The following PDE10A variants were observed in gnomAD, a reference collection of about 807,000 sequenced individuals.
PDE10A encodes the protein phosphodiesterase 10A.
Under a neutral mutation model 97.7 loss-of-function variants are expected in PDE10A, and 39 were observed. The ratio of observed to expected loss-of-function variants is 0.40; its 90% CI spans 0.31 to 0.52. The LOEUF (loss-of-function observed/expected upper bound fraction) is 0.52. Among genes scored for constraint, PDE10A ranks in the 20% least tolerant of loss-of-function variants. PDE10A has a pLI of 0.56. For synonymous variants in PDE10A, 371 were observed against 376.8 expected (o/e 0.98, Z 0.18); for missense variants, 731 against 1,047.8 (o/e 0.70, Z 4.17).
intron 1 of PDE10A, among the ~76,000 whole-genome samples, chr6:165,733,087 T>A (rs527882878): frequency 1.0e-3 from 159 of 152,336 alleles, no homozygotes; most frequent in African/African-American, 3.7e-3. Flanking sequence ...AAACGGCGTG[T>A]GTTTACATAC....
At chr6:165,977,870 G>C (rs1373338583) in intron 1 of PDE10A, among the ~76,000 whole-genome samples, 3 of 152,172 alleles carry the variant, frequency 2.0e-5, no homozygotes, top group Non-Finnish European at 4.4e-5. Context: ...GAAAAAACAA[G>C]TAAATTGTGG....
intron 1 of PDE10A, among the ~76,000 whole-genome samples, chr6:165,562,118 G>A (rs1384464776): frequency 6.6e-6 from 1 of 151,974 alleles, no homozygotes; most frequent in Non-Finnish European, 1.5e-5. Context: ...TTCCTTGGGA[G>A]CAGAACTAAA....
chr6:165,468,678 G>C (rs1008695537), intron 3 of PDE10A, among the ~76,000 whole-genome samples: 1 of 152,082 alleles, frequency 6.6e-6, no homozygotes, highest in African/African-American at 2.4e-5. Flanking sequence ...ATTGGGGGAG[G>C]GGAACAGATA....
At chr6:165,731,512 CG>C (rs2128451180) in intron 1 of PDE10A, among the ~76,000 whole-genome samples, 1 of 152,262 alleles carries the variant, frequency 6.6e-6, no homozygotes, top group African/African-American at 2.4e-5. Flanking sequence ...GGTGCATCTG[CG>C]GCTGGAGCAG....
chr6:165,733,173 C>T (rs772284154), intron 1 of PDE10A, among the ~76,000 whole-genome samples: 1 of 152,224 alleles, frequency 6.6e-6, no homozygotes, highest in Non-Finnish European at 1.5e-5. Context: ...TGTCCTCAGC[C>T]TGTGGAGAAC....
intron 2 of PDE10A, among the ~76,000 whole-genome samples, chr6:165,501,443 C>T (rs1291452850): frequency 6.6e-6 from 1 of 152,050 alleles, no homozygotes; most frequent in Non-Finnish European, 1.5e-5. Context: ...CGCCTGTAGT[C>T]CCAGCTACTC....
chr6:165,964,126 C>A (rs1784438450), intron 1 of PDE10A, among the ~76,000 whole-genome samples: 1 of 152,218 alleles, frequency 6.6e-6, no homozygotes, highest in South Asian at 2.1e-4. Flanking sequence ...GCTATACACT[C>A]TCCCTATAAT....
intron 3 of PDE10A, among the ~76,000 whole-genome samples, chr6:165,478,740 G>A (rs1760940403): frequency 6.6e-6 from 1 of 152,176 alleles, no homozygotes; most frequent in Admixed American, 6.5e-5. Flanking sequence ...TCTGGTAGCT[G>A]TCTGGTCTGA....
chr6:165,753,736 G>C (rs1005823068), intron 1 of PDE10A, among the ~76,000 whole-genome samples: 1 of 152,114 alleles, frequency 6.6e-6, no homozygotes, highest in Non-Finnish European at 1.5e-5. Flanking sequence ...ATTCACAGAA[G>C]TAAAGAATTC....
Position 165,511,436 on chromosome 6 carries a change from ATG to A in PDE10A, c.995-29095_995-29094del, listed in dbSNP as rs1280349891. Among the ~76,000 whole-genome samples, 46 of 19,194 alleles carry A rather than the reference ATG, an allele frequency of 2.4e-3. No homozygotes were observed. In the Admixed American group the frequency reaches 0.036, roughly 15 times the overall value. 12.6% of individuals were successfully genotyped at this position (19,194 alleles called of 152,430 possible). A position where few individuals can be genotyped will look rare whatever the true frequency, so the allele number is the denominator to read the frequency against. ...CTTGAGAATTGTTTTGTGGCCTAAC[ATG>A]TGGTATATCCTGAAGACTGTTCCAT... On this transcript the variant is annotated intron_variant, in intron 2 of 21. Coordinates refer to ENST00000539869, the MANE Select transcript of PDE10A (RefSeq NM_001385079.1).
intron 18 of PDE10A, among the ~76,000 whole-genome samples, chr6:165,349,386 G>T (rs144293022): frequency 7.5e-6 from 1 of 132,610 alleles, no homozygotes; most frequent in Admixed American, 7.6e-5. Flanking sequence ...AAAGAGACTG[G>T]TGGCATGTTG....
intron 1 of PDE10A, among the ~76,000 whole-genome samples, chr6:165,647,120 C>T (rs1471063403): frequency 6.6e-6 from 1 of 152,208 alleles, no homozygotes; most frequent in Non-Finnish European, 1.5e-5. Flanking sequence ...AACTGTGATG[C>T]ATGTACAGGA....
chr6:165,572,687 C>T (rs1562592260), intron 1 of PDE10A, among the ~76,000 whole-genome samples: 1 of 152,150 alleles, frequency 6.6e-6, no homozygotes, highest in Non-Finnish European at 1.5e-5. Context: ...CCTGTTTGAG[C>T]CTTAGGAGTT....
chr6:165,930,701 C>T (rs183638222), intron 1 of PDE10A, among the ~76,000 whole-genome samples: 1 of 152,328 alleles, frequency 6.6e-6, no homozygotes, highest in Admixed American at 6.5e-5. Flanking sequence ...GAAACAGATT[C>T]CTATTCTTCC....
intron 1 of PDE10A, among the ~76,000 whole-genome samples, chr6:165,680,013 G>T (rs1433289755): frequency 2.0e-5 from 3 of 152,074 alleles, no homozygotes; most frequent in African/African-American, 7.2e-5. Flanking sequence ...GTGCTGTTGG[G>T]TGCTATGGGG....
intron 1 of PDE10A, among the ~76,000 whole-genome samples, chr6:165,618,690 C>T (rs1787837617): frequency 6.6e-6 from 1 of 152,182 alleles, no homozygotes; most frequent in South Asian, 2.1e-4. Context: ...CTCTGTCTCT[C>T]GTCCTCTCTC....
chr6:165,704,414 C>T (rs187680045), intron 1 of PDE10A, among the ~76,000 whole-genome samples: 15 of 152,264 alleles, frequency 9.9e-5, no homozygotes, highest in African/African-American at 2.2e-4. Flanking sequence ...AGCAAAAATG[C>T]GCAGCAGGAA....
chr6:165,549,843 GAAT>G (rs971568896), intron 1 of PDE10A, among the ~76,000 whole-genome samples: 1 of 152,080 alleles, frequency 6.6e-6, no homozygotes, highest in African/African-American at 2.4e-5. Context: ...GGAGGCTAAA[GAAT>G]TATTGTTTTA....
rs144098889 is a variant in PDE10A at position 165,641,500 on chromosome 6, C to T, written c.865+20447G>A. Among the ~76,000 whole-genome samples the T allele has an allele frequency of 1.2e-3, 177 of 152,316 alleles. 1 individual carries two copies. Among genetic ancestry groups the T allele is most frequent in the African/African-American group, 4.0e-3 (167 of 41,576 alleles). ...CTAAAAACAGGTGCTTTAAAAGTTA[C>T]ACTTCAGTAATCTGGCAAATGCTTC... On this transcript the variant is annotated intron_variant, in intron 1 of 21. Coordinates refer to ENST00000539869, the MANE Select transcript of PDE10A (RefSeq NM_001385079.1).
Sources: allele counts gnomAD v4.1 joint callset (sites outside exome capture counted in the v4.1 genomes callset), GRCh38; gene constraint gnomAD v4.1.1; transcripts MANE v1.5; gene names NCBI Gene and HGNC (gene_info 2026-07-23, HGNC 2026-07-21).